The following GPR26 variants were observed in gnomAD, a reference collection of about 807,000 sequenced individuals.
The protein encoded by GPR26 is G protein-coupled receptor 26.
A neutral mutation model predicts 23.1 loss-of-function variants in GPR26; 15 were observed. That is an observed-to-expected ratio of 0.65 (90% CI 0.43 to 1.00). The LOEUF is 1.00. Among genes scored for constraint, GPR26 ranks in the 50% least tolerant of loss-of-function variants. The probability of loss-of-function intolerance (pLI) is 0.00; values close to 1 mark genes in which losing one functional copy is unlikely to be tolerated. For synonymous variants in GPR26, 228 were observed against 222.1 expected (o/e 1.03, Z -0.24); for missense variants, 359 against 470.5 (o/e 0.76, Z 2.19).
At chr10:123,681,074 G>A (rs1845369681) in intron 2 of GPR26, among the ~76,000 whole-genome samples, 1 of 152,024 alleles carries the variant, frequency 6.6e-6, no homozygotes, top group South Asian at 2.1e-4. Flanking sequence ...CCTGACCTCA[G>A]CTAATCCACC....
At chr10:123,680,367 A>G (rs767817196) in intron 2 of GPR26, among the ~76,000 whole-genome samples, 3 of 152,182 alleles carry the variant, frequency 2.0e-5, no homozygotes, top group Non-Finnish European at 2.9e-5. Context: ...TGGGCCCTAC[A>G]GCACCCCCAA....
At position 123,690,430 on chromosome 10, in the gene GPR26, T is replaced by C. The variant is rs546034381; in HGVS notation, c.*2270T>C. ...TGTGGCACATGCTCTTTCTGCTTTCTCTGTACTGTATAGGCAACATGTTGT... is the reference window on the plus strand; with the variant it reads ...TGTGGCACATGCTCTTTCTGCTTTCCCTGTACTGTATAGGCAACATGTTGT... On this transcript the variant is annotated 3_prime_UTR_variant, in exon 3 of 3. Transcript: ENST00000284674. 2 of 152,266 alleles carry C rather than the reference T, an allele frequency of 1.3e-5. No individual in the cohort carries two copies. Among genetic ancestry groups the C allele is most frequent in the Non-Finnish European group, 2.9e-5 (2 of 68,058 alleles). The allele number at this position is 152,266 out of a possible 1,614,324, so 9.4% of individuals were successfully genotyped here.
At position 123,666,826 on chromosome 10, in the gene GPR26, C is replaced by T; in HGVS notation, c.419C>T (p.Ala140Val). Reference protein sequence around the residue: ...TWLHALTFPAAALALSWLGFH... With the variant: ...TWLHALTFPAVALALSWLGFH... ...CTGCACGCGCTCACCTTCCCAGCCG[C>T]CGCGCTCGCCCTGTCCTGGCTCGGC... Residue 140 changes from alanine (A) to valine (V), a missense_variant, in exon 1 of 3, where the codon GCC becomes GTC. Ala to Val is a moderately conservative substitution (Grantham distance 64). Transcript: ENST00000284674. 6.2e-7 allele frequency: 1 copy of T among 1,609,410 alleles called. No individual in the cohort carries two copies. Among genetic ancestry groups the T allele is most frequent in the Non-Finnish European group, 8.5e-7 (1 of 1,178,252 alleles).
In GPR26 at chr10:123,666,458, C is replaced by A; in HGVS notation, c.51C>A (p.Gly17=). 4 of 1,548,806 alleles carry A rather than the reference C, an allele frequency of 2.6e-6. No individual in the cohort carries two copies. Among genetic ancestry groups the A allele is most frequent in the East Asian group, 2.4e-5 (1 of 40,982 alleles). The change falls in exon 1 of 3, where the codon GGC becomes GGA. Residue 17 remains glycine (G), a synonymous_variant. Transcript: ENST00000284674. ...CGGGGCTACTGGTGGGCACGATGGG[C>A]GTCTCGCTGCTGTCCAACGCGCTGG... ...GLAGLLVGTM[G]VSLLSNALVL...
At chr10:123,673,692 T>C (rs1388713066) in intron 1 of GPR26, among the ~76,000 whole-genome samples, 2 of 152,038 alleles carry the variant, frequency 1.3e-5, no homozygotes, top group South Asian at 4.2e-4. Flanking sequence ...TCATGTGGTG[T>C]CCATAGCTCC....
chr10:123,672,874 G>C (rs959666205), intron 1 of GPR26, among the ~76,000 whole-genome samples: 7 of 152,186 alleles, frequency 4.6e-5, no homozygotes, highest in Non-Finnish European at 1.0e-4. Context: ...CCCACTGTGT[G>C]ATCTTGGGCC....
Position 123,674,012 on chromosome 10 carries a change from C to T in GPR26, c.669-806C>T, listed in dbSNP as rs1293547371. On this transcript the variant is annotated intron_variant, in intron 1 of 2. Transcript: ENST00000284674. This position sits in a 1 kb window ranked among gnomAD's most constrained non-coding sequence, Gnocchi z 4.1. ...CGCTTTTCTTGCCCAGGCTGAAGGG[C>T]AATGACACGGTCTCAGCTCACTGCA... 4.6e-5 allele frequency among the ~76,000 whole-genome samples: 7 copies of T among 152,056 alleles called. No individual in the cohort carries two copies. Among genetic ancestry groups the T allele is most frequent in the African/African-American group, 1.7e-4 (7 of 41,378 alleles).
At chr10:123,672,278 G>C (rs1364195275) in intron 1 of GPR26, among the ~76,000 whole-genome samples, 2 of 152,186 alleles carry the variant, frequency 1.3e-5, no homozygotes, top group Non-Finnish European at 2.9e-5. Flanking sequence ...TCCCCCATCT[G>C]TGATCTGGGG....
In GPR26 at chr10:123,696,811, T is replaced by G. The variant is rs1845549353; in HGVS notation, c.*8651T>G. 6.7e-6 allele frequency among the ~76,000 whole-genome samples: 1 copy of G among 149,768 alleles called. No individual in the cohort carries two copies. Among genetic ancestry groups the G allele is most frequent in the Non-Finnish European group, 1.5e-5 (1 of 67,438 alleles). On this transcript the variant is annotated 3_prime_UTR_variant, in exon 3 of 3. Transcript: ENST00000284674. ...GGTGAATGTTTGTGTGCCCATGATT[T>G]TATGCATATAGGTGAATATTTGTGT...
At chr10:123,681,890 G>A (rs1845381937) in intron 2 of GPR26, among the ~76,000 whole-genome samples, 1 of 152,208 alleles carries the variant, frequency 6.6e-6, no homozygotes, top group African/African-American at 2.4e-5. Context: ...ATCTGGGATA[G>A]CTTTAACAAG....
chr10:123,681,852 C>T (rs956908311), intron 2 of GPR26, among the ~76,000 whole-genome samples: 2 of 152,174 alleles, frequency 1.3e-5, no homozygotes, highest in African/African-American at 4.8e-5. Flanking sequence ...TGCCAAGCAC[C>T]TGGGGCTATC....
chr10:123,667,115 G>A (rs1195697775), intron 1 of GPR26, 40 bp downstream of exon 1: 3 of 1,437,272 alleles, frequency 2.1e-6, no homozygotes, highest in Non-Finnish European at 2.8e-6. Flanking sequence ...ACAGCCGCGC[G>A]GGATCTCGGC....
At chr10:123,677,496 A>T (rs1036912650) in intron 2 of GPR26, among the ~76,000 whole-genome samples, 1 of 152,010 alleles carries the variant, frequency 6.6e-6, no homozygotes, top group East Asian at 1.9e-4. Context: ...TCCTAAGAAC[A>T]CCTCCTAAAA....
chr10:123,673,505 A>G (rs1339563758), intron 1 of GPR26, among the ~76,000 whole-genome samples: 1 of 152,118 alleles, frequency 6.6e-6, no homozygotes, highest in African/African-American at 2.4e-5. Context: ...TTCATTTTTG[A>G]TCCTCTGGAA....
Position 123,688,038 on chromosome 10 carries a change from C to A in GPR26, c.892C>A (p.Arg298=), listed in dbSNP as rs1166039347. 1 of 1,613,622 alleles carries A rather than the reference C, an allele frequency of 6.2e-7. No homozygotes were observed. Among genetic ancestry groups the A allele is most frequent in the Admixed American group, 1.7e-5 (1 of 60,030 alleles). ...CGACCCCTTTGTGTACTCCTTACTG[C>A]GACACCAGTACCGCAAAAGCTGCAA... The part of the protein sequence containing the change: ...ASDPFVYSLL[R]HQYRKSCKEI... Residue 298 remains arginine (R), a synonymous_variant, in exon 3 of 3, where the codon CGA becomes AGA. Transcript: ENST00000284674.
At position 123,691,897 on chromosome 10, in the gene GPR26, C is replaced by T. The variant is rs1845494166; in HGVS notation, c.*3737C>T. The T allele has an allele frequency of 6.6e-6, 1 of 152,142 alleles. No homozygotes were observed. Among genetic ancestry groups the T allele is most frequent in the Non-Finnish European group, 1.5e-5 (1 of 68,028 alleles). The allele number at this position is 152,142 out of a possible 1,614,324, so 9.4% of individuals were successfully genotyped here. On this transcript the variant is annotated 3_prime_UTR_variant, in exon 3 of 3. Transcript: ENST00000284674. ...CTGATAGGAGTTTTCTTCAAACCAT[C>T]CCCTAAGGAGAAATGATCTTAGACA...
intron 2 of GPR26, among the ~76,000 whole-genome samples, chr10:123,677,045 C>T (rs766602957): frequency 5.3e-5 from 8 of 152,206 alleles, no homozygotes; most frequent in Non-Finnish European, 8.8e-5. Flanking sequence ...AGAGTGCCTC[C>T]TCTTAGGTCC....
intron 2 of GPR26, among the ~76,000 whole-genome samples, chr10:123,680,555 C>T (rs143497116): frequency 2.8e-3 from 420 of 152,300 alleles, no homozygotes; most frequent in African/African-American, 9.6e-3. Flanking sequence ...GGATGTCTCC[C>T]TTGCATGCAG....
intron 1 of GPR26, among the ~76,000 whole-genome samples, chr10:123,672,453 G>A (rs558696396): frequency 6.6e-6 from 1 of 152,284 alleles, no homozygotes; most frequent in African/African-American, 2.4e-5. Context: ...TGCCATTAAG[G>A]TTAGGAAATC....
Sources: allele counts gnomAD v4.1 joint callset (sites outside exome capture counted in the v4.1 genomes callset), GRCh38; gene constraint gnomAD v4.1.1; non-coding constraint Gnocchi (gnomAD v3.1); transcripts MANE v1.5; gene names NCBI Gene and HGNC (gene_info 2026-07-23, HGNC 2026-07-21).